Variants in PPP1R9A observed in about 807,000 individuals in gnomAD.
PPP1R9A encodes the protein neurabin-1.
A neutral mutation model predicts 141.9 loss-of-function variants in PPP1R9A; 59 were observed. That is an observed-to-expected ratio of 0.42 (90% CI 0.34 to 0.52). The LOEUF (loss-of-function observed/expected upper bound fraction) is 0.52. PPP1R9A is among the 20% of genes least tolerant of loss of function. PPP1R9A has a pLI of 0.10. For synonymous variants in PPP1R9A, 500 were observed against 569.7 expected (o/e 0.88, Z 1.74); for missense variants, 1,444 against 1,611.9 (o/e 0.90, Z 1.78).
At chr7:95,267,683 C>G (rs932911339) in intron 12 of PPP1R9A, among the ~76,000 whole-genome samples, 3 of 152,064 alleles carry the variant, frequency 2.0e-5, no homozygotes, top group Non-Finnish European at 4.4e-5. Context: ...ACTTTACTCT[C>G]TTTTTCTTTT....
intron 4 of PPP1R9A, among the ~76,000 whole-genome samples, chr7:95,132,340 G>C (rs1385852701): frequency 6.6e-6 from 1 of 152,014 alleles, no homozygotes; most frequent in Non-Finnish European, 1.5e-5. Context: ...GATTGGTTTT[G>C]TTATTTTGAG....
At chr7:95,173,763 A>T (rs987104680) in intron 5 of PPP1R9A, among the ~76,000 whole-genome samples, 1 of 152,054 alleles carries the variant, frequency 6.6e-6, no homozygotes, top group Admixed American at 6.6e-5. Flanking sequence ...ATTAAACATG[A>T]AATGCTGCTT....
chr7:95,082,091 C>T (rs1815933206), intron 2 of PPP1R9A, among the ~76,000 whole-genome samples: 1 of 152,156 alleles, frequency 6.6e-6, no homozygotes, highest in African/African-American at 2.4e-5. Context: ...TTTATTTGAC[C>T]TGACTCAGTG....
At chr7:95,137,587 T>A (rs1039616910) in intron 4 of PPP1R9A, among the ~76,000 whole-genome samples, 2 of 152,204 alleles carry the variant, frequency 1.3e-5, no homozygotes, top group Non-Finnish European at 2.9e-5. Flanking sequence ...ACATACATGA[T>A]GTTTGTAGAA....
intron 5 of PPP1R9A, among the ~76,000 whole-genome samples, chr7:95,186,532 G>A (rs189736505): frequency 1.3e-5 from 2 of 152,138 alleles, no homozygotes; most frequent in Non-Finnish European, 2.9e-5. Flanking sequence ...GATTGCTATG[G>A]CTAGAACTTT....
intron 2 of PPP1R9A, among the ~76,000 whole-genome samples, chr7:94,999,773 C>CTTATT (rs1354957209): frequency 7.4e-6 from 1 of 134,810 alleles, no homozygotes; most frequent in Non-Finnish European, 1.5e-5. Flanking sequence ...GCTGAGATAT[C>CTTATT]TTATTTTATT....
chr7:95,101,018 A>C (rs1315766427), intron 2 of PPP1R9A, among the ~76,000 whole-genome samples: 2 of 150,588 alleles, frequency 1.3e-5, no homozygotes, highest in African/African-American at 2.4e-5. Context: ...ACGCCCGGCT[A>C]ATTTTTTGTA....
At chr7:94,916,933 GC>G (rs369050970) in intron 2 of PPP1R9A, among the ~76,000 whole-genome samples, 5 of 152,218 alleles carry the variant, frequency 3.3e-5, no homozygotes, top group African/African-American at 9.6e-5. Context: ...TCAGGCCTCA[GC>G]CCTCTGAGTA....
intron 2 of PPP1R9A, among the ~76,000 whole-genome samples, chr7:95,068,064 AC>A (rs1204421476): frequency 3.9e-5 from 6 of 152,308 alleles, no homozygotes; most frequent in African/African-American, 1.4e-4. Flanking sequence ...ACAAAAACAA[AC>A]AACCAAAAAA....
intron 7 of PPP1R9A, among the ~76,000 whole-genome samples, chr7:95,206,610 A>G (rs1219888135): frequency 6.6e-6 from 1 of 152,176 alleles, no homozygotes; most frequent in Non-Finnish European, 1.5e-5. Flanking sequence ...TCTCAGCCTG[A>G]GACAACTATT....
At chr7:94,941,610 AT>A (rs148082494) in intron 2 of PPP1R9A, among the ~76,000 whole-genome samples, 352 of 144,624 alleles carry the variant, frequency 2.4e-3, no homozygotes, top group Admixed American at 2.4e-3. Flanking sequence ...ATCAGCAACT[AT>A]TTTTTTTTTT....
intron 4 of PPP1R9A, among the ~76,000 whole-genome samples, chr7:95,137,832 A>G (rs751862696): frequency 6.6e-6 from 1 of 152,346 alleles, no homozygotes; most frequent in Non-Finnish European, 1.5e-5. Context: ...TAAAGCTTCA[A>G]TAATCAGGAC....
Position 95,161,991 on chromosome 7 carries a change from T to C in PPP1R9A, c.1754+20T>C, listed in dbSNP as rs1585020140. Reference sequence around the variant, plus strand: ...CGTCAGGTAAATACGTGCCTTCTAATATACACCATGTTGTTACTTTAGTTG... The same window carrying C: ...CGTCAGGTAAATACGTGCCTTCTAACATACACCATGTTGTTACTTTAGTTG... On this transcript the variant is annotated intron_variant, in intron 5 of 19. Transcript: ENST00000433360. 2.1e-6 allele frequency: 3 copies of C among 1,453,694 alleles called. No individual in the cohort carries two copies. Among genetic ancestry groups the C allele is most frequent in the Non-Finnish European group, 2.9e-6 (3 of 1,045,672 alleles). The allele number at this position is 1,453,694 out of a possible 1,614,324, so 90.0% of individuals were successfully genotyped here. A position where few individuals can be genotyped will look rare whatever the true frequency, so the allele number is the denominator to read the frequency against.
At chr7:95,250,279 G>T in intron 10 of PPP1R9A, 24 bp downstream of exon 10, 2 of 1,549,328 alleles carry the variant, frequency 1.3e-6, no homozygotes, top group Non-Finnish European at 1.8e-6. Flanking sequence ...AATAACTAAA[G>T]AATAGTTATG....
chr7:95,085,128 T>A (rs2152308217), intron 2 of PPP1R9A, among the ~76,000 whole-genome samples: 1 of 152,174 alleles, frequency 6.6e-6, no homozygotes, highest in East Asian at 1.9e-4. Flanking sequence ...TATTGCCTAT[T>A]ACTAGTAAAG....
intron 3 of PPP1R9A, among the ~76,000 whole-genome samples, chr7:95,120,079 C>A (rs1260709962): frequency 2.0e-5 from 3 of 151,672 alleles, no homozygotes; most frequent in Non-Finnish European, 4.4e-5. Context: ...GCCTCAACCT[C>A]CCAAGTAGCT....
intron 4 of PPP1R9A, among the ~76,000 whole-genome samples, chr7:95,157,893 C>T (rs1829885524): frequency 6.6e-6 from 1 of 152,178 alleles, no homozygotes; most frequent in Admixed American, 6.5e-5. Flanking sequence ...GTTGTCAGTT[C>T]TCCCCAAGGG....
At chr7:94,958,255 C>T (rs941383803) in intron 2 of PPP1R9A, among the ~76,000 whole-genome samples, 3 of 151,970 alleles carry the variant, frequency 2.0e-5, no homozygotes, top group Non-Finnish European at 2.9e-5. Flanking sequence ...CCTTGGAGAC[C>T]TCCCCTGTTC....
intron 8 of PPP1R9A, among the ~76,000 whole-genome samples, chr7:95,241,777 G>A (rs1797500032): frequency 1.3e-5 from 2 of 152,070 alleles, no homozygotes; most frequent in African/African-American, 2.4e-5. Context: ...TAAAATGCAT[G>A]GGATAATAAC....
Sources: gnomAD v4.1 joint callset for allele counts (sites outside exome capture counted in the v4.1 genomes callset) on GRCh38, gnomAD v4.1.1 for gene constraint, MANE v1.5 for transcripts, NCBI Gene and HGNC (gene_info 2026-07-23, HGNC 2026-07-21) for gene names.